AADAT: variants seen among roughly 807,000 people sequenced by gnomAD.
AADAT encodes aminoadipate aminotransferase, also known as kynurenine/alpha-aminoadipate aminotransferase, mitochondrial.
In AADAT, 25 loss-of-function variants were observed where a neutral mutation model predicts 56.2. The observed-to-expected ratio is 0.44, with a 90% confidence interval of 0.32 to 0.62. The LOEUF (loss-of-function observed/expected upper bound fraction) is 0.62, where lower values mean the gene tolerates loss of function less well. Ranked by LOEUF, AADAT falls within the 20% of genes least tolerant of loss-of-function variation. AADAT has a pLI of 0.04. For synonymous variants in AADAT, 173 were observed against 164.7 expected (o/e 1.05, Z -0.39); for missense variants, 387 against 510.5 (o/e 0.76, Z 2.33).
intron 3 of AADAT, among the ~76,000 whole-genome samples, chr4:170,084,908 C>A (rs945583335): frequency 9.2e-5 from 14 of 152,186 alleles, no homozygotes; most frequent in Non-Finnish European, 5.9e-5. Flanking sequence ...TAGATTTGAA[C>A]TGCACAGGTT....
intron 4 of AADAT, among the ~76,000 whole-genome samples, 162 bp from the exon 5 acceptor site, chr4:170,073,507 A>ATT (rs1204906766): frequency 2.7e-5 from 4 of 146,578 alleles, no homozygotes; most frequent in African/African-American, 2.6e-5. Context: ...TTACACATTT[A>ATT]TTTATTTTTT....
chr4:170,072,509 A>T (rs912415670), intron 5 of AADAT, among the ~76,000 whole-genome samples: 1 of 152,134 alleles, frequency 6.6e-6, no homozygotes, highest in African/African-American at 2.4e-5. Context: ...ATTCCACTGG[A>T]TGTGACTAAA....
At chr4:170,062,072 G>T (rs183344666) in intron 11 of AADAT, 79 bp from the exon 12 acceptor site, 8 of 876,404 alleles carry the variant, frequency 9.1e-6, no homozygotes, top group Admixed American at 2.6e-5. Flanking sequence ...TAATCTCAGA[G>T]TAGGGAAGGA....
intron 3 of AADAT, 50 bp downstream of exon 3, chr4:170,087,066 A>AT: frequency 9.3e-6 from 15 of 1,606,736 alleles, no homozygotes; most frequent in Non-Finnish European, 1.3e-5. Flanking sequence ...GACTATAGAA[A>AT]TGAATGCTTC....
intron 5 of AADAT, among the ~76,000 whole-genome samples, chr4:170,070,978 T>C (rs1266398147): frequency 6.6e-6 from 1 of 152,214 alleles, no homozygotes. Flanking sequence ...AGTGGCGCGA[T>C]CTTGGCTCAC....
chr4:170,060,849 A>C lies in AADAT; in HGVS notation c.*79T>G. ...ACTGCAGCCTTGAATTCCTGGGTTC[A>C]AGTGATCCTCCCTCCTCTGCCTCCC... On this transcript the variant is annotated 3_prime_UTR_variant, in exon 13 of 13. Transcript: ENST00000337664. 14 of 1,250,426 alleles carry C rather than the reference A, an allele frequency of 1.1e-5. No individual in the cohort carries two copies. Among genetic ancestry groups the C allele is most frequent in the Non-Finnish European group, 1.5e-5 (14 of 913,098 alleles). The allele number at this position is 1,250,426 out of a possible 1,614,324, so 77.5% of individuals were successfully genotyped here.
intron 4 of AADAT, among the ~76,000 whole-genome samples, chr4:170,077,799 T>C (rs950533603): frequency 1.3e-5 from 2 of 152,248 alleles, no homozygotes; most frequent in Non-Finnish European, 2.9e-5. Context: ...TTTTGTCACA[T>C]GGCTAACTTC....
chr4:170,081,772 T>C (rs1732327174), intron 3 of AADAT, among the ~76,000 whole-genome samples: 1 of 152,188 alleles, frequency 6.6e-6, no homozygotes, highest in South Asian at 2.1e-4. Flanking sequence ...ACTCCTGGCC[T>C]CAAGCAATCT....
chr4:170,084,507 A>G (rs1308039874), intron 3 of AADAT, among the ~76,000 whole-genome samples: 4 of 152,178 alleles, frequency 2.6e-5, no homozygotes, highest in Non-Finnish European at 5.9e-5. Flanking sequence ...CAGGCAATAG[A>G]TTTTTCCAGC....
intron 10 of AADAT, 35 bp from the exon 11 acceptor site, chr4:170,064,860 A>T: frequency 6.4e-7 from 1 of 1,563,794 alleles, no homozygotes; most frequent in Non-Finnish European, 8.7e-7. Context: ...TGTCTTCCAA[A>T]GGAAGGCATT....
At chr4:170,074,119 T>C (rs1220976072) in intron 4 of AADAT, among the ~76,000 whole-genome samples, 2 of 152,206 alleles carry the variant, frequency 1.3e-5, no homozygotes, top group Non-Finnish European at 2.9e-5. Context: ...GAAATAAAAC[T>C]GTACTGGGGT....
intron 3 of AADAT, among the ~76,000 whole-genome samples, chr4:170,079,642 G>A (rs1732196097): frequency 6.6e-6 from 1 of 152,112 alleles, no homozygotes; most frequent in Non-Finnish European, 1.5e-5. Flanking sequence ...ACATGATTAT[G>A]GACAATAGGG....
chr4:170,075,256 A>T (rs1731977969), intron 4 of AADAT, among the ~76,000 whole-genome samples: 1 of 152,226 alleles, frequency 6.6e-6, no homozygotes, highest in South Asian at 2.1e-4. Context: ...AAAACAAATT[A>T]TGAGTATCCA....
intron 3 of AADAT, among the ~76,000 whole-genome samples, chr4:170,079,994 GAC>G (rs1339279307): frequency 3.3e-5 from 5 of 152,278 alleles, no homozygotes; most frequent in African/African-American, 7.2e-5. Flanking sequence ...GGTAGAGGAG[GAC>G]ACTGCAAGGA....
intron 3 of AADAT, among the ~76,000 whole-genome samples, chr4:170,083,187 A>T (rs984962452): frequency 1.3e-5 from 2 of 152,032 alleles, no homozygotes; most frequent in Non-Finnish European, 2.9e-5. Flanking sequence ...ATCTTATCAA[A>T]TATCTTTCCT....
rs138302195 is a variant in AADAT at position 170,060,274 on chromosome 4, G to C, written c.*654C>G. ...AAGGAATTTCTGTGGCATAACATAAGGTTTATGGTACTTTTACTAAAAGTC... is the reference window on the plus strand; with the variant it reads ...AAGGAATTTCTGTGGCATAACATAACGTTTATGGTACTTTTACTAAAAGTC... On this transcript the variant is annotated 3_prime_UTR_variant, in exon 13 of 13. Transcript: ENST00000337664. The C allele has an allele frequency of 5.3e-5, 8 of 152,110 alleles. No individual in the cohort carries two copies. In the East Asian group the frequency reaches 1.5e-3, roughly 29 times the overall value. The allele number at this position is 152,110 out of a possible 1,614,324, so 9.4% of individuals were successfully genotyped here.
intron 8 of AADAT, among the ~76,000 whole-genome samples, chr4:170,068,273 A>G (rs1731579412): frequency 6.6e-6 from 1 of 152,198 alleles, no homozygotes; most frequent in African/African-American, 2.4e-5. Flanking sequence ...GGAACATACA[A>G]TATCAAACAA....
intron 3 of AADAT, among the ~76,000 whole-genome samples, chr4:170,082,931 A>G (rs1732384481): frequency 6.6e-6 from 1 of 151,800 alleles, no homozygotes; most frequent in Non-Finnish European, 1.5e-5. Context: ...GGAATGTAAT[A>G]CAATAATAGT....
intron 2 of AADAT, 143 bp downstream of exon 2, chr4:170,088,253 C>A: frequency 1.3e-6 from 1 of 795,266 alleles, no homozygotes; most frequent in East Asian, 2.7e-5. Flanking sequence ...AGTATTTGGT[C>A]ATTGAATGAC....
Sources: allele counts gnomAD v4.1 joint callset (sites outside exome capture counted in the v4.1 genomes callset), GRCh38; gene constraint gnomAD v4.1.1; transcripts MANE v1.5; gene names NCBI Gene and HGNC (gene_info 2026-07-23, HGNC 2026-07-21).